Variants in DNM1L observed in about 807,000 individuals in gnomAD.
The protein encoded by DNM1L is dynamin 1L.
A neutral mutation model predicts 92.8 loss-of-function variants in DNM1L; 33 were observed. The ratio of observed to expected loss-of-function variants is 0.36; its 90% CI spans 0.27 to 0.48. The LOEUF (loss-of-function observed/expected upper bound fraction) is 0.48. DNM1L is among the 20% of genes least tolerant of loss of function. The pLI, the probability that DNM1L is intolerant of heterozygous loss-of-function variation, is 0.99. For synonymous variants in DNM1L, 284 were observed against 305.0 expected (o/e 0.93, Z 0.72); for missense variants, 485 against 888.8 (o/e 0.55, Z 5.78).
At chr12:32,681,554 C>T (rs900956166) in intron 1 of DNM1L, among the ~76,000 whole-genome samples, 31 of 149,164 alleles carry the variant, frequency 2.1e-4, no homozygotes, top group African/African-American at 7.8e-4. Context: ...AAACTATTTT[C>T]TCCCCACACC....
chr12:32,741,196 G>A (rs953480717), intron 18 of DNM1L, among the ~76,000 whole-genome samples: 2 of 152,162 alleles, frequency 1.3e-5, no homozygotes, highest in South Asian at 2.1e-4. Flanking sequence ...TTTTAAACCC[G>A]TAGCTTGTAG....
At chr12:32,717,427 C>G (rs7138243) in intron 6 of DNM1L, among the ~76,000 whole-genome samples, 4 of 38,330 alleles carry the variant, frequency 1.0e-4, no homozygotes, top group African/African-American at 9.8e-4. Context: ...TAAATATATA[C>G]TATATATATT....
chr12:32,739,873 C>T lies in DNM1L; in HGVS notation c.1708-191C>T, dbSNP rs553321452. 7.6e-6 allele frequency: 5 copies of T among 654,446 alleles called. No individual in the cohort carries two copies. The East Asian group carries it at 8.4e-5, about 11-fold the overall frequency. 40.5% of individuals were successfully genotyped at this position (654,446 alleles called of 1,614,324 possible). ...TTGCAAACAACTTAGAGCAGAACTT[C>T]TTTATTATTTAGATAGGTCAGGGTT... On this transcript the variant is annotated intron_variant, in intron 16 of 19. Transcript: ENST00000549701.
At chr12:32,739,878 T>C (rs1177258801) in intron 16 of DNM1L, 186 bp from the exon 17 acceptor site, 1 of 665,906 alleles carries the variant, frequency 1.5e-6, no homozygotes, top group Non-Finnish European at 2.5e-6. Context: ...AACTTCTTTA[T>C]TATTTAGATA....
At chr12:32,738,070 C>G (rs1398986004) in intron 15 of DNM1L, 128 bp downstream of exon 15, 3 of 1,105,006 alleles carry the variant, frequency 2.7e-6, no homozygotes, top group African/African-American at 3.2e-5. Flanking sequence ...TCACTTTAGT[C>G]TAATATATAT....
chr12:32,684,246 G>A (rs1320023267), intron 1 of DNM1L, among the ~76,000 whole-genome samples: 6 of 152,166 alleles, frequency 3.9e-5, no homozygotes, highest in African/African-American at 1.4e-4. Context: ...ACGTGGGTGA[G>A]GGTCCATCGG....
At position 32,701,565 on chromosome 12, in the gene DNM1L, A is replaced by G. The variant is rs751892495; in HGVS notation, c.250+3A>G. On this transcript the variant is annotated splice_donor_region_variant and intron_variant, in intron 2 of 19. Coordinates refer to ENST00000549701, the MANE Select transcript of DNM1L (RefSeq NM_012062.5). ...GAAAACAACAGGAGAAGAAAATGGT[A>G]AATTTCAGATTTGAGATAATTATTT... is the stretch of plus-strand genomic sequence containing the variant. The G allele has an allele frequency of 1.1e-5, 17 of 1,611,446 alleles. No homozygotes were observed. The Admixed American group carries it at 1.7e-4, about 16-fold the overall frequency.
intron 6 of DNM1L, among the ~76,000 whole-genome samples, chr12:32,714,560 C>T (rs902678270): frequency 6.6e-6 from 1 of 151,998 alleles, no homozygotes; most frequent in Non-Finnish European, 1.5e-5. Flanking sequence ...GTGTGAGCCA[C>T]CGTGCTTGGC....
chr12:32,732,695 G>A (rs760211002), intron 12 of DNM1L: 4 of 419,666 alleles, frequency 9.5e-6, no homozygotes, highest in Admixed American at 2.9e-5. Context: ...CAGAATCATT[G>A]GACCTTCATT....
At chr12:32,726,132 C>T (rs1162966715) in intron 9 of DNM1L, among the ~76,000 whole-genome samples, 1 of 151,534 alleles carries the variant, frequency 6.6e-6, no homozygotes, top group African/African-American at 2.4e-5. Context: ...TATAAATATT[C>T]CAGAAGAACC....
Position 32,717,274 on chromosome 12 carries a change from TATTA to T in DNM1L, c.620-1368_620-1365del, listed in dbSNP as rs941235852. 7.9e-5 allele frequency among the ~76,000 whole-genome samples: 8 copies of T among 101,428 alleles called. 1 individual carries two copies. The highest frequency in any genetic ancestry group is 3.3e-4 in the African/African-American group (8 of 23,946). The allele number at this position is 101,428 out of a possible 152,430, so 66.5% of individuals were successfully genotyped here. ...GTATATATAGTATATATATACTATA[TATTA>T]TATATACACTATATATTTTATATAT... is the stretch of plus-strand genomic sequence containing the variant. On this transcript the variant is annotated intron_variant, in intron 6 of 19. Coordinates refer to ENST00000549701, the MANE Select transcript of DNM1L (RefSeq NM_012062.5).
chr12:32,728,829 G>C (rs1311231222), intron 9 of DNM1L: 1 of 152,374 alleles, frequency 6.6e-6, no homozygotes, highest in Non-Finnish European at 1.5e-5. Context: ...TGTCGCCCAG[G>C]CTGGAGTGCA....
In DNM1L at chr12:32,743,524, T is replaced by C; in HGVS notation, c.*114T>C. On this transcript the variant is annotated 3_prime_UTR_variant, in exon 20 of 20. Coordinates refer to ENST00000549701, the MANE Select transcript of DNM1L (RefSeq NM_012062.5). ...TATTGCAATGGTATGAATCTGCTCA[T>C]GTGGAGACTGGCTATAAACTGAAAA... 4 of 984,742 alleles carry C rather than the reference T, an allele frequency of 4.1e-6. No homozygotes were observed. The Middle Eastern group carries it at 6.3e-4, about 155-fold the overall frequency. 61.0% of individuals were successfully genotyped at this position (984,742 alleles called of 1,614,324 possible). A position where few individuals can be genotyped will look rare whatever the true frequency, so the allele number is the denominator to read the frequency against.
chr12:32,717,375 C>CTG lies in DNM1L; in HGVS notation c.620-1267_620-1266insGT, dbSNP rs1555120723. ...ATATATAGTATATATAATATATATA[C>CTG]TATATATAATATATAGTATATATAA... On this transcript the variant is annotated intron_variant, in intron 6 of 19. Coordinates refer to ENST00000549701, the MANE Select transcript of DNM1L (RefSeq NM_012062.5). 1.3e-3 allele frequency among the ~76,000 whole-genome samples: 79 copies of CTG among 60,402 alleles called. 4 individuals carry two copies. The highest frequency in any genetic ancestry group is 0.011 in the Middle Eastern group (1 of 94). The allele number at this position is 60,402 out of a possible 152,430, so 39.6% of individuals were successfully genotyped here.
At chr12:32,718,809 A>G in intron 7 of DNM1L, 46 bp downstream of exon 7, 3 of 1,609,786 alleles carry the variant, frequency 1.9e-6, no homozygotes, top group Non-Finnish European at 2.5e-6. Flanking sequence ...CATTCTTAGA[A>G]TGGGATAAGC....
chr12:32,681,783 T>C (rs952717727), intron 1 of DNM1L, among the ~76,000 whole-genome samples: 5 of 152,030 alleles, frequency 3.3e-5, no homozygotes, highest in Non-Finnish European at 5.9e-5. Context: ...GACATATAAG[T>C]GTTCTGTACT....
chr12:32,684,034 T>C (rs759256774), intron 1 of DNM1L, among the ~76,000 whole-genome samples: 1 of 152,240 alleles, frequency 6.6e-6, no homozygotes, highest in Non-Finnish European at 1.5e-5. Flanking sequence ...ACATTAAAAA[T>C]ACTGAAATAT....
chr12:32,717,493 G>GTA (rs1468886171), intron 6 of DNM1L, among the ~76,000 whole-genome samples: 21 of 104,056 alleles, frequency 2.0e-4, no homozygotes, highest in African/African-American at 4.7e-4. Context: ...TATATATATA[G>GTA]TATATATATA....
At position 32,743,333 on chromosome 12, in the gene DNM1L, A is replaced by T. The variant is rs774615349; in HGVS notation, c.2155-21A>T. On this transcript the variant is annotated intron_variant, in intron 19 of 19. Transcript: ENST00000549701. Reference sequence around the variant, plus strand: ...CATAACTTTATAATAAGCATTTAAAATTTTTTTTCCTTTAATGCAGGCATT... The same window carrying T: ...CATAACTTTATAATAAGCATTTAAATTTTTTTTTCCTTTAATGCAGGCATT... 6.6e-5 allele frequency: 106 copies of T among 1,609,294 alleles called. 1 individual carries two copies. The highest frequency in any genetic ancestry group is 4.8e-4 in the Admixed American group (29 of 59,920).
Sources: gnomAD v4.1 joint callset for allele counts (sites outside exome capture counted in the v4.1 genomes callset) on GRCh38, gnomAD v4.1.1 for gene constraint, MANE v1.5 for transcripts, NCBI Gene and HGNC (gene_info 2026-07-23, HGNC 2026-07-21) for gene names.